NAALADL2: variants seen among roughly 807,000 people sequenced by gnomAD.
The protein encoded by NAALADL2 is N-acetylated alpha-linked acidic dipeptidase like 2, also known as inactive N-acetylated-alpha-linked acidic dipeptidase-like protein 2.
NAALADL2 carries 76 observed loss-of-function variants against 87.2 expected under a neutral mutation model. The observed-to-expected ratio is 0.87, with a 90% CI of 0.72 to 1.05. NAALADL2 has a LOEUF of 1.05. Among genes scored for constraint, NAALADL2 ranks in the 50% least tolerant of loss-of-function variants. The pLI, the probability that NAALADL2 is intolerant of heterozygous loss-of-function variation, is 0.00. For missense variants in NAALADL2, 1,089 were observed against 945.8 expected (o/e 1.15, Z -1.99); for synonymous variants, 354 against 331.0 (o/e 1.07, Z -0.75).
At chr3:175,788,093 T>G (rs1421679387) in intron 13 of NAALADL2, among the ~76,000 whole-genome samples, 1 of 144,744 alleles carries the variant, frequency 6.9e-6, no homozygotes, top group South Asian at 2.2e-4. Flanking sequence ...TACCTGTTTT[T>G]TTTTTTTTTT....
chr3:174,605,076 T>G (rs909769767), intron 2 of NAALADL2, among the ~76,000 whole-genome samples: 2 of 152,166 alleles, frequency 1.3e-5, no homozygotes, highest in African/African-American at 4.8e-5. Flanking sequence ...TTGGTTTCAG[T>G]TTACCACGTA....
At chr3:175,571,626 A>C (rs1027276488) in intron 9 of NAALADL2, among the ~76,000 whole-genome samples, 1 of 152,180 alleles carries the variant, frequency 6.6e-6, no homozygotes, top group Non-Finnish European at 1.5e-5. Flanking sequence ...TGTGAGGAAA[A>C]ACTATTCACA....
At chr3:175,335,246 A>G (rs1252920769) in intron 5 of NAALADL2, among the ~76,000 whole-genome samples, 4 of 152,244 alleles carry the variant, frequency 2.6e-5, no homozygotes, top group Non-Finnish European at 5.9e-5. Flanking sequence ...AGGCAGCCAT[A>G]CCAGTCATAT....
intron 11 of NAALADL2, among the ~76,000 whole-genome samples, chr3:175,694,931 G>A (rs578169931): frequency 6.3e-4 from 95 of 151,962 alleles, no homozygotes; most frequent in African/African-American, 2.2e-3. Flanking sequence ...TTTCAACAAT[G>A]TAATTCATAA....
At chr3:175,282,831 A>AT (rs1754477700) in intron 4 of NAALADL2, among the ~76,000 whole-genome samples, 1 of 150,350 alleles carries the variant, frequency 6.7e-6, no homozygotes, top group South Asian at 2.1e-4. Context: ...TCAACTTTTA[A>AT]TTTTTATTTT....
chr3:174,893,906 A>G (rs952701595), intron 1 of NAALADL2, among the ~76,000 whole-genome samples: 4 of 152,196 alleles, frequency 2.6e-5, no homozygotes, highest in Non-Finnish European at 5.9e-5. Context: ...AAACTCTCCA[A>G]TACAAAAATG....
chr3:174,940,848 C>T (rs893663718), intron 1 of NAALADL2, among the ~76,000 whole-genome samples: 1 of 151,768 alleles, frequency 6.6e-6, no homozygotes, highest in Non-Finnish European at 1.5e-5. Context: ...TGTGGGGTCA[C>T]TGGTAGCATT....
At chr3:174,886,215 T>G (rs1378945680) in intron 1 of NAALADL2, among the ~76,000 whole-genome samples, 2 of 152,016 alleles carry the variant, frequency 1.3e-5, no homozygotes. Context: ...GCCCCGCCTG[T>G]CGGAGTTCTA....
chr3:174,783,242 G>A (rs1716207719), intron 3 of NAALADL2, among the ~76,000 whole-genome samples: 1 of 152,142 alleles, frequency 6.6e-6, no homozygotes, highest in African/African-American at 2.4e-5. Flanking sequence ...TCTCACTTGA[G>A]GGCCCTAGTG....
chr3:175,740,460 A>G (rs2150092872), intron 12 of NAALADL2, among the ~76,000 whole-genome samples: 1 of 152,326 alleles, frequency 6.6e-6, no homozygotes, highest in Non-Finnish European at 1.5e-5. Flanking sequence ...TTGCTAGGCC[A>G]TATTCCCAGA....
chr3:174,885,899 T>TAGATGGGG (rs1730068387), intron 1 of NAALADL2, among the ~76,000 whole-genome samples: 1 of 34,262 alleles, frequency 2.9e-5, no homozygotes, highest in African/African-American at 1.5e-4. Context: ...TTTTTTTTTT[T>TAGATGGGG]TTTTTTTTTT....
chr3:175,795,712 T>C (rs911874323), intron 13 of NAALADL2, among the ~76,000 whole-genome samples: 1 of 149,730 alleles, frequency 6.7e-6, no homozygotes, highest in Non-Finnish European at 1.5e-5. Context: ...TAAAATAAAA[T>C]AAATAAAAAA....
intron 1 of NAALADL2, among the ~76,000 whole-genome samples, chr3:174,498,086 A>G (rs1284984489): frequency 6.6e-6 from 1 of 152,154 alleles, no homozygotes; most frequent in Non-Finnish European, 1.5e-5. Context: ...TATACAATTT[A>G]TGAAGTTTTG....
chr3:175,188,711 C>T (rs1424256835), intron 2 of NAALADL2, among the ~76,000 whole-genome samples: 1 of 152,100 alleles, frequency 6.6e-6, no homozygotes, highest in Non-Finnish European at 1.5e-5. Flanking sequence ...GGTGCCCAAG[C>T]CACAAATGTG....
intron 9 of NAALADL2, among the ~76,000 whole-genome samples, chr3:175,527,587 G>A (rs372305619): frequency 8.6e-5 from 13 of 152,040 alleles, no homozygotes; most frequent in African/African-American, 2.2e-4. Flanking sequence ...GTCAAAAATC[G>A]CTGAGTTAGA....
chr3:175,071,420 T>C (rs1260543987), intron 1 of NAALADL2, among the ~76,000 whole-genome samples: 2 of 152,114 alleles, frequency 1.3e-5, no homozygotes, highest in African/African-American at 4.8e-5. Flanking sequence ...TATAAGTTAA[T>C]ATGGAAGTCA....
At chr3:175,265,881 T>A (rs1429380089) in intron 4 of NAALADL2, among the ~76,000 whole-genome samples, 1 of 151,392 alleles carries the variant, frequency 6.6e-6, no homozygotes, top group Non-Finnish European at 1.5e-5. Flanking sequence ...AAGTAACTGC[T>A]AATATATGTT....
At chr3:175,585,593 A>T (rs1720428617) in intron 10 of NAALADL2, among the ~76,000 whole-genome samples, 1 of 152,222 alleles carries the variant, frequency 6.6e-6, no homozygotes, top group African/African-American at 2.4e-5. Context: ...ATTGTTTTAC[A>T]AAACAGAGCC....
At chr3:175,195,647 A>G (rs973136098) in intron 2 of NAALADL2, among the ~76,000 whole-genome samples, 11 of 151,902 alleles carry the variant, frequency 7.2e-5, no homozygotes, top group African/African-American at 1.9e-4. Context: ...AGCAGATCGT[A>G]TATGCATTTT....
Sources: allele counts gnomAD v4.1 joint callset (sites outside exome capture counted in the v4.1 genomes callset), GRCh38; gene constraint gnomAD v4.1.1; transcripts MANE v1.5; gene names NCBI Gene and HGNC (gene_info 2026-07-23, HGNC 2026-07-21).